The following LAMA4 variants were observed in gnomAD, a reference collection of about 807,000 sequenced individuals.
LAMA4 encodes the protein laminin subunit alpha 4, also known as laminin subunit alpha-4.
Under a neutral mutation model 207.1 loss-of-function variants are expected in LAMA4, and 127 were observed. The observed-to-expected ratio is 0.61, with a 90% confidence interval of 0.53 to 0.71. LAMA4 has a LOEUF of 0.71. Ranked by LOEUF, LAMA4 falls within the 30% of genes least tolerant of loss-of-function variation. The pLI, the probability that LAMA4 is intolerant of heterozygous loss-of-function variation, is 0.00. For missense variants in LAMA4, 2,093 were observed against 2,246.5 expected, an observed-to-expected ratio of 0.93 and a Z score of 1.38; for synonymous variants, 761 against 816.0, an observed-to-expected ratio of 0.93 and a Z score of 1.15.
intron 14 of LAMA4, among the ~76,000 whole-genome samples, chr6:112,157,591 G>T (rs1176195323): frequency 6.6e-6 from 1 of 152,198 alleles, no homozygotes; most frequent in Non-Finnish European, 1.5e-5. Context: ...AAAGCATGTA[G>T]TAACTGTCTT....
chr6:112,185,306 C>G lies in LAMA4; in HGVS notation c.1008G>C (p.Lys336Asn), dbSNP rs1554346340. Reference sequence around the variant, plus strand: ...TGTTCTCAGCATTGTTGATTTGTATCTTTCTTAGGGCGTATTGGTTTTCTC... The same window carrying G: ...TGTTCTCAGCATTGTTGATTTGTATGTTTCTTAGGGCGTATTGGTTTTCTC... ...SERENQYALR[K>N]IQINNAENTM... Residue 336 changes from lysine (K) to asparagine (N), a missense_variant, in exon 9 of 39, where the codon AAG (lysine) becomes AAC (asparagine). Around this residue, in one of 3 missense-constraint regions of LAMA4, gnomAD observed 1,704 missense variants for 1,788.4 expected, o/e 0.95. Coordinates refer to ENST00000230538, the MANE Select transcript of LAMA4 (RefSeq NM_001105206.3). 2 of 1,613,420 alleles carry G rather than the reference C, an allele frequency of 1.2e-6. No individual in the cohort carries two copies. Among genetic ancestry groups the G allele is most frequent in the Non-Finnish European group, 1.7e-6 (2 of 1,179,504 alleles).
At chr6:112,143,362 G>A (rs959664165) in intron 19 of LAMA4, among the ~76,000 whole-genome samples, 51 of 146,336 alleles carry the variant, frequency 3.5e-4, no homozygotes, top group Admixed American at 2.4e-3. Context: ...TCAGCTCACT[G>A]CAACCTCCAT....
intron 30 of LAMA4, 95 bp from the exon 31 acceptor site, chr6:112,129,170 ATGTGTGTGTGTGTGTGCATGTG>A: frequency 2.0e-6 from 2 of 979,510 alleles, no homozygotes; most frequent in Non-Finnish European, 3.0e-6. Context: ...GGCAATTAAA[ATGTGTGTGTGTGTGTGCATGTG>A]TGTGTGTGTG....
chr6:112,229,014 A>T (rs1053113041), intron 2 of LAMA4, among the ~76,000 whole-genome samples: 8 of 152,218 alleles, frequency 5.3e-5, no homozygotes, highest in Middle Eastern at 3.2e-3. Context: ...TCTTTCTCAG[A>T]CAGTCCAAGG....
At chr6:112,158,324 G>T in intron 14 of LAMA4, 1 of 215,714 alleles carries the variant, frequency 4.6e-6, no homozygotes, top group Non-Finnish European at 9.3e-6. Flanking sequence ...TGCTGTCTAT[G>T]AAATAAATAG....
rs782118939 is a variant in LAMA4, at chr6:112,140,910, A to T, written c.2826T>A (p.His942Gln). The T allele has an allele frequency of 6.2e-7, 1 of 1,612,202 alleles. No homozygotes were observed. The highest frequency in any genetic ancestry group is 1.3e-5 in the African/African-American group (1 of 74,990). Reference sequence around the variant, plus strand: ...TCGGGACTGTTAAAAACACCTTTCCATGTTTTCCCACCCTATTGAGATAAA... The same window carrying T: ...TCGGGACTGTTAAAAACACCTTTCCTTGTTTTCCCACCCTATTGAGATAAA... ...SIVKIERVGK[H>Q]GKVFLTVPSL... The change falls in exon 22 of 39, where the codon CAT becomes CAA. Residue 942 changes from histidine to glutamine, a missense_variant. By Grantham distance (24) the His-to-Gln change is conservative. Around this residue, in one of 3 missense-constraint regions of LAMA4, gnomAD observed 1,704 missense variants for 1,788.4 expected, o/e 0.95. Transcript: ENST00000230538.
At chr6:112,174,446 C>G (rs1554342949) in intron 11 of LAMA4, among the ~76,000 whole-genome samples, 1 of 152,210 alleles carries the variant, frequency 6.6e-6, no homozygotes, top group Non-Finnish European at 1.5e-5. Context: ...CCCATGAAAG[C>G]ATGAGCAATA....
chr6:112,171,771 A>G (rs1781731164), intron 12 of LAMA4: 1 of 152,918 alleles, frequency 6.5e-6, no homozygotes, highest in African/African-American at 2.4e-5. Flanking sequence ...GATGAGTGTA[A>G]TTAACTTTTA....
At chr6:112,213,757 T>C (rs1262535504) in intron 3 of LAMA4, 1 of 341,016 alleles carries the variant, frequency 2.9e-6, no homozygotes, top group Non-Finnish European at 5.2e-6. Context: ...AAATTGACAT[T>C]GGACACTGGA....
chr6:112,143,734 T>C (rs1554333874), intron 19 of LAMA4, among the ~76,000 whole-genome samples: 1 of 152,224 alleles, frequency 6.6e-6, no homozygotes, highest in South Asian at 2.1e-4. Context: ...GGGCTAAGTC[T>C]GTCTTTAGCA....
chr6:112,139,002 A>G, intron 24 of LAMA4, 118 bp downstream of exon 24: 1 of 1,056,694 alleles, frequency 9.5e-7, no homozygotes, highest in Non-Finnish European at 1.4e-6. Context: ...TTGACTTTCT[A>G]AACTAGAATT....
chr6:112,247,813 A>C (rs1787103266), intron 2 of LAMA4, among the ~76,000 whole-genome samples: 1 of 152,258 alleles, frequency 6.6e-6, no homozygotes, highest in South Asian at 2.1e-4. Context: ...CATTACTCAC[A>C]GTAGCCAAAA....
intron 2 of LAMA4, among the ~76,000 whole-genome samples, chr6:112,246,666 C>G (rs964471867): frequency 5.3e-5 from 8 of 152,048 alleles, no homozygotes; most frequent in Non-Finnish European, 5.9e-5. Flanking sequence ...ATTACAGGCA[C>G]CTGCCACCAT....
At chr6:112,216,289 A>C (rs1269241835) in intron 3 of LAMA4, 79 bp downstream of exon 3, 1 of 998,018 alleles carries the variant, frequency 1.0e-6, no homozygotes, top group Non-Finnish European at 1.6e-6. Context: ...TGGCTCAAAC[A>C]TCCGAAAAAT....
In LAMA4 at chr6:112,210,938, G is replaced by A. The variant is rs1414428241; in HGVS notation, c.298-3793C>T. 5.9e-5 allele frequency among the ~76,000 whole-genome samples: 9 copies of A among 152,106 alleles called. No individual in the cohort carries two copies. The South Asian group carries it at 6.2e-4, about 11-fold the overall frequency. On this transcript the variant is annotated intron_variant, in intron 3 of 38. Transcript: ENST00000230538. The stretch of plus-strand genomic sequence containing the variant: ...TTTTTCAGTTTAAATTTCAAATGCC[G>A]TAAATATTGGTATATATAGTCCACA...
At chr6:112,128,057 C>T (rs886938201) in intron 31 of LAMA4, among the ~76,000 whole-genome samples, 5 of 152,056 alleles carry the variant, frequency 3.3e-5, no homozygotes, top group African/African-American at 1.2e-4. Context: ...GGGGAAAAAC[C>T]AGGGTAAGAT....
At chr6:112,224,183 G>A (rs553349530) in intron 2 of LAMA4, among the ~76,000 whole-genome samples, 1 of 152,308 alleles carries the variant, frequency 6.6e-6, no homozygotes, top group South Asian at 2.1e-4. Context: ...TGTTGGATGA[G>A]CCTTGACATC....
At chr6:112,214,058 C>T (rs1554357756) in intron 3 of LAMA4, 1 of 761,734 alleles carries the variant, frequency 1.3e-6, no homozygotes, top group Non-Finnish European at 2.4e-6. Flanking sequence ...CCTGGGTCTT[C>T]TCCGTCAGTA....
intron 10 of LAMA4, 70 bp downstream of exon 10, chr6:112,178,051 T>C (rs1782125971): frequency 1.9e-6 from 2 of 1,074,656 alleles, no homozygotes; most frequent in Non-Finnish European, 2.9e-6. Flanking sequence ...CAGTAGCCAT[T>C]ATGCCTACTG....
Sources: allele counts gnomAD v4.1 joint callset (sites outside exome capture counted in the v4.1 genomes callset), GRCh38; gene constraint gnomAD v4.1.1; regional missense constraint gnomAD v4.1.1; transcripts MANE v1.5; gene names NCBI Gene and HGNC (gene_info 2026-07-23, HGNC 2026-07-21).